Variants in BMPER observed in about 807,000 individuals in gnomAD.
BMPER encodes BMP-binding endothelial regulator protein.
In BMPER, 45 loss-of-function variants were observed where a neutral mutation model predicts 87.3. The observed-to-expected ratio is 0.52, with a 90% CI of 0.41 to 0.66. The LOEUF (loss-of-function observed/expected upper bound fraction) is 0.66, where lower values mean the gene tolerates loss of function less well. Among genes scored for constraint, BMPER ranks in the 30% least tolerant of loss-of-function variants. The probability of loss-of-function intolerance (pLI) is 0.00; values close to 1 mark genes in which losing one functional copy is unlikely to be tolerated. For missense variants in BMPER, 784 were observed against 867.5 expected (o/e 0.90, Z 1.21); for synonymous variants, 326 against 316.2 (o/e 1.03, Z -0.33).
intron 13 of BMPER, among the ~76,000 whole-genome samples, chr7:34,129,577 G>GGAGAGAGAGAGAGAGAGAGAGAGAGAGA (rs759886152): frequency 4.2e-5 from 2 of 47,718 alleles, no homozygotes; most frequent in African/African-American, 1.5e-4. Context: ...AAGGAAGGAA[G>GGAGAGAGAGAGAGAGAGAGAGAGAGAGA]GAGAGAGAGA....
At chr7:34,138,270 A>T (rs1333143670) in intron 13 of BMPER, among the ~76,000 whole-genome samples, 6 of 152,112 alleles carry the variant, frequency 3.9e-5, no homozygotes, top group Admixed American at 2.6e-4. Flanking sequence ...GTTGTGTTTA[A>T]TTGGATTTCA....
chr7:34,003,447 A>C (rs1488523776), intron 6 of BMPER, among the ~76,000 whole-genome samples: 1 of 151,944 alleles, frequency 6.6e-6, no homozygotes, highest in Non-Finnish European at 1.5e-5. Flanking sequence ...GCACAGTTTT[A>C]TAGTTTTGTA....
chr7:33,983,640 A>G (rs1390584206), intron 6 of BMPER, among the ~76,000 whole-genome samples: 1 of 152,196 alleles, frequency 6.6e-6, no homozygotes, highest in Non-Finnish European at 1.5e-5. Context: ...GCCTAAAGTC[A>G]AAAAACTAGC....
At chr7:34,119,012 T>TCACACACACACACACACACACACACA (rs781255103) in intron 13 of BMPER, among the ~76,000 whole-genome samples, 1 of 33,006 alleles carries the variant, frequency 3.0e-5, no homozygotes, top group Non-Finnish European at 6.8e-5. Context: ...TCTCTCTCTC[T>TCACACACACACACACACACACACACA]CTCACACACA....
intron 13 of BMPER, among the ~76,000 whole-genome samples, chr7:34,101,005 C>G (rs1789667181): frequency 1.3e-5 from 2 of 152,124 alleles, no homozygotes; most frequent in Admixed American, 1.3e-4. Context: ...CTCCCAGGCC[C>G]CACCCCAGGC....
At chr7:34,027,518 T>A (rs1428335674) in intron 6 of BMPER, among the ~76,000 whole-genome samples, 1 of 152,096 alleles carries the variant, frequency 6.6e-6, no homozygotes, top group Non-Finnish European at 1.5e-5. Context: ...AAAAATTGAT[T>A]GCATATTGAA....
chr7:34,055,076 G>T, intron 8 of BMPER, 87 bp from the exon 9 acceptor site: 1 of 1,565,044 alleles, frequency 6.4e-7, no homozygotes, highest in Non-Finnish European at 8.8e-7. Flanking sequence ...GACACAGATA[G>T]TTATGAGTTA....
At chr7:34,060,330 G>A (rs1051951532) in intron 10 of BMPER, among the ~76,000 whole-genome samples, 1 of 151,920 alleles carries the variant, frequency 6.6e-6, no homozygotes, top group African/African-American at 2.4e-5. Context: ...TTGGGATAAA[G>A]CACCTTAATC....
chr7:33,939,402 G>A (rs1442543891), intron 3 of BMPER, among the ~76,000 whole-genome samples: 1 of 152,192 alleles, frequency 6.6e-6, no homozygotes, highest in Non-Finnish European at 1.5e-5. Context: ...AGGCCAGTGA[G>A]TGCAGTGTCC....
chr7:34,110,549 T>A (rs1789934790), intron 13 of BMPER, among the ~76,000 whole-genome samples: 1 of 152,230 alleles, frequency 6.6e-6, no homozygotes, highest in South Asian at 2.1e-4. Context: ...GTCACTTTCC[T>A]CATCACTGTT....
At chr7:33,917,848 G>T (rs1784123878) in intron 2 of BMPER, among the ~76,000 whole-genome samples, 1 of 152,100 alleles carries the variant, frequency 6.6e-6, no homozygotes, top group Non-Finnish European at 1.5e-5. Context: ...TGGTCAGTTG[G>T]CCACTCTGGT....
At chr7:34,053,174 C>T (rs965542271) in intron 8 of BMPER, among the ~76,000 whole-genome samples, 2 of 152,158 alleles carry the variant, frequency 1.3e-5, no homozygotes, top group African/African-American at 4.8e-5. Flanking sequence ...GGTAATACGT[C>T]TCTGTGCGTA....
At chr7:34,037,302 T>G (rs1478703560) in intron 6 of BMPER, among the ~76,000 whole-genome samples, 1 of 152,166 alleles carries the variant, frequency 6.6e-6, no homozygotes, top group East Asian at 1.9e-4. Flanking sequence ...AATTATGATC[T>G]TTGGCTCTGC....
chr7:34,015,299 CAAT>C (rs957581140), intron 6 of BMPER, among the ~76,000 whole-genome samples: 5 of 151,852 alleles, frequency 3.3e-5, no homozygotes, highest in Admixed American at 3.3e-4. Flanking sequence ...TAAAATAGAA[CAAT>C]AATAATAATA....
intron 6 of BMPER, 143 bp from the exon 7 acceptor site, chr7:34,046,163 T>C (rs1787959001): frequency 2.5e-6 from 2 of 788,096 alleles, no homozygotes; most frequent in South Asian, 1.5e-5. Flanking sequence ...AAAGGACGCT[T>C]GGGGAAAATC....
intron 6 of BMPER, among the ~76,000 whole-genome samples, chr7:33,979,064 T>C (rs1239305879): frequency 1.3e-5 from 2 of 151,840 alleles, no homozygotes; most frequent in Non-Finnish European, 2.9e-5. Flanking sequence ...AGCGACAGAG[T>C]CAGCTACAAC....
chr7:33,949,842 GA>G (rs1031313343), intron 3 of BMPER, among the ~76,000 whole-genome samples: 1 of 152,090 alleles, frequency 6.6e-6, no homozygotes, highest in African/African-American at 2.4e-5. Context: ...ACCAAAAAAA[GA>G]TGTATAAAAT....
intron 6 of BMPER, among the ~76,000 whole-genome samples, chr7:34,024,374 AAAAAAAAACAATATAT>A (rs1787285667): frequency 1.1e-5 from 1 of 91,218 alleles, no homozygotes; most frequent in African/African-American, 5.3e-5. Flanking sequence ...AAAAAAAAAA[AAAAAAAAACAATATAT>A]ATATATATAT....
intron 7 of BMPER, among the ~76,000 whole-genome samples, chr7:34,046,640 C>A (rs1787978271): frequency 1.3e-5 from 2 of 152,158 alleles, no homozygotes; most frequent in Non-Finnish European, 2.9e-5. Context: ...ACTGGGTACA[C>A]CAGATGACCT....
Sources: gnomAD v4.1 joint callset for allele counts (sites outside exome capture counted in the v4.1 genomes callset) on GRCh38, gnomAD v4.1.1 for gene constraint, MANE v1.5 for transcripts, NCBI Gene and HGNC (gene_info 2026-07-23, HGNC 2026-07-21) for gene names.